Variants in BACE2 observed in about 807,000 individuals in gnomAD.
BACE2 encodes the protein beta-secretase 2.
In BACE2, 17 loss-of-function variants were observed where a neutral mutation model predicts 46.2. The observed-to-expected ratio is 0.37, with a 90% confidence interval of 0.25 to 0.55. The LOEUF (loss-of-function observed/expected upper bound fraction) is 0.55. BACE2 is among the 20% of genes least tolerant of loss of function. BACE2 has a pLI of 0.82. For missense variants in BACE2, 595 were observed against 698.1 expected, an observed-to-expected ratio of 0.85 and a Z score of 1.66; for synonymous variants, 277 against 295.9, an observed-to-expected ratio of 0.94 and a Z score of 0.66.
intron 8 of BACE2, among the ~76,000 whole-genome samples, chr21:41,258,349 T>C (rs1326848080): frequency 6.6e-6 from 1 of 152,068 alleles, no homozygotes; most frequent in Non-Finnish European, 1.5e-5. Flanking sequence ...TTGTAGGAAT[T>C]TGATGGATAT....
intron 1 of BACE2, among the ~76,000 whole-genome samples, chr21:41,203,996 G>T (rs569376016): frequency 2.6e-5 from 4 of 152,274 alleles, no homozygotes; most frequent in Non-Finnish European, 5.9e-5. Flanking sequence ...ATTTCAAGGG[G>T]ATTTACTGTG....
intron 1 of BACE2, among the ~76,000 whole-genome samples, chr21:41,219,961 G>A (rs1189207418): frequency 1.3e-5 from 2 of 152,154 alleles, no homozygotes; most frequent in African/African-American, 2.4e-5. Context: ...CCAGAGTGAG[G>A]GCCCAGTCCC....
chr21:41,242,675 G>A (rs1987337721), intron 4 of BACE2, among the ~76,000 whole-genome samples: 2 of 152,176 alleles, frequency 1.3e-5, no homozygotes, highest in African/African-American at 4.8e-5. Context: ...TCAGGGAAGT[G>A]CTTGATCTTC....
At chr21:41,255,795 A>G (rs910680630) in intron 7 of BACE2, among the ~76,000 whole-genome samples, 10 of 152,286 alleles carry the variant, frequency 6.6e-5, no homozygotes, top group Admixed American at 6.5e-4. Flanking sequence ...AGTCCGCTCT[A>G]CACACCATAA....
rs1984448037 is a variant in BACE2 at position 41,168,171 on chromosome 21, C to T, written c.-93C>T. 2.8e-6 allele frequency: 2 copies of T among 720,790 alleles called. No individual in the cohort carries two copies. The highest frequency in any genetic ancestry group is 3.5e-6 in the Non-Finnish European group (2 of 578,342). 44.6% of individuals were successfully genotyped at this position (720,790 alleles called of 1,614,324 possible). ...CCCGGTGCGCGCCCATCCCTGCCCG[C>T]AGCCCCGCGCGCCGGCCGAGTCGCT... On this transcript the variant is annotated 5_prime_UTR_variant, in exon 1 of 9. Coordinates refer to ENST00000330333, the MANE Select transcript of BACE2 (RefSeq NM_012105.5).
chr21:41,195,409 A>G (rs1037232836), intron 1 of BACE2, among the ~76,000 whole-genome samples: 4 of 152,210 alleles, frequency 2.6e-5, no homozygotes, highest in Non-Finnish European at 5.9e-5. Context: ...TGGAGGACCC[A>G]TTAGGGGAAG....
intron 1 of BACE2, among the ~76,000 whole-genome samples, chr21:41,173,101 A>G (rs562793461): frequency 6.6e-6 from 1 of 152,260 alleles, no homozygotes; most frequent in African/African-American, 2.4e-5. Flanking sequence ...GCATAGACCC[A>G]CTTTCTGAAT....
chr21:41,227,284 A>G (rs1325740237), intron 2 of BACE2, among the ~76,000 whole-genome samples: 2 of 152,222 alleles, frequency 1.3e-5, no homozygotes, highest in Non-Finnish European at 2.9e-5. Flanking sequence ...TTTTAGGGTC[A>G]TGAACCTTCT....
chr21:41,176,960 ACCTTGTTGCCC>A (rs1224517624), intron 1 of BACE2: 1 of 152,270 alleles, frequency 6.6e-6, no homozygotes, highest in Non-Finnish European at 1.5e-5. Flanking sequence ...ATCAGTGGTT[ACCTTGTTGCCC>A]AAGTAACTGC....
At position 41,279,225 on chromosome 21, in the gene BACE2, C is replaced by T. The variant is rs1445610037; in HGVS notation, c.*3601C>T. 2 of 152,046 alleles carry T rather than the reference C, an allele frequency of 1.3e-5. No individual in the cohort carries two copies. The highest frequency in any genetic ancestry group is 2.4e-5 in the African/African-American group (1 of 41,386). 9.4% of individuals were successfully genotyped at this position (152,046 alleles called of 1,614,324 possible). A position where few individuals can be genotyped will look rare whatever the true frequency, so the allele number is the denominator to read the frequency against. On this transcript the variant is annotated 3_prime_UTR_variant, in exon 9 of 9. Transcript: ENST00000330333. ...AATTAAATGGCAAGCTGGAAAAATA[C>T]ATTTTGAGAGGGGTAGAAAGAATAA...
intron 1 of BACE2, among the ~76,000 whole-genome samples, chr21:41,195,124 G>A (rs57430372): frequency 0.054 from 8,241 of 152,304 alleles, 658 homozygotes; most frequent in African/African-American, 0.18. Flanking sequence ...AAGTTTTATT[G>A]GAACACAACC....
chr21:41,172,197 G>A (rs1226082791), intron 1 of BACE2, among the ~76,000 whole-genome samples: 2 of 152,238 alleles, frequency 1.3e-5, no homozygotes, highest in South Asian at 4.1e-4. Context: ...GCTCCTTCGA[G>A]TGAGAAGTGG....
At chr21:41,212,579 C>T (rs1417152393) in intron 1 of BACE2, among the ~76,000 whole-genome samples, 1 of 152,164 alleles carries the variant, frequency 6.6e-6, no homozygotes, top group East Asian at 1.9e-4. Context: ...CAGTGCACAT[C>T]TGGGGCTCAA....
At position 41,243,413 on chromosome 21, in the gene BACE2, A is replaced by G. The variant is rs1175757029; in HGVS notation, c.785A>G (p.Asp262Gly). ...ATTGAACCAAGTTTGTATAAAGGAG[A>G]CATCTGGTATACCCCTATTAAGGAA... Reference protein sequence around the residue: ...GGIEPSLYKGDIWYTPIKEEW... With the variant: ...GGIEPSLYKGGIWYTPIKEEW... The change falls in exon 5 of 9, where the codon GAC becomes GGC. Residue 262 changes from aspartate (D) to glycine (G), a missense_variant. By Grantham distance (94) the Asp-to-Gly change is moderately conservative (BLOSUM62 -1). Coordinates refer to ENST00000330333, the MANE Select transcript of BACE2 (RefSeq NM_012105.5). The G allele has an allele frequency of 6.2e-7, 1 of 1,609,664 alleles. No individual in the cohort carries two copies.
intron 1 of BACE2, among the ~76,000 whole-genome samples, chr21:41,207,967 G>A (rs1230329357): frequency 6.6e-6 from 1 of 152,226 alleles, no homozygotes; most frequent in East Asian, 1.9e-4. Context: ...TTACAATGGT[G>A]ACGTTGCCTG....
chr21:41,272,159 T>G (rs1238186392), intron 8 of BACE2, among the ~76,000 whole-genome samples: 1 of 152,172 alleles, frequency 6.6e-6, no homozygotes, highest in East Asian at 1.9e-4. Context: ...CTAGTTTGCA[T>G]TGCTTCCAAC....
chr21:41,206,940 A>G (rs952142819), intron 1 of BACE2, among the ~76,000 whole-genome samples: 1 of 152,146 alleles, frequency 6.6e-6, no homozygotes. Context: ...TTTTATGTTT[A>G]TTTAAAATTG....
chr21:41,224,891 G>A (rs1291611287), intron 1 of BACE2, among the ~76,000 whole-genome samples: 1 of 152,180 alleles, frequency 6.6e-6, no homozygotes, highest in Non-Finnish European at 1.5e-5. Flanking sequence ...ATATAACTTG[G>A]TGGACCCACA....
At chr21:41,246,132 G>C in intron 6 of BACE2, 69 bp downstream of exon 6, 1 of 1,238,694 alleles carries the variant, frequency 8.1e-7, no homozygotes, top group Non-Finnish European at 1.1e-6. Flanking sequence ...GAGCAGCACT[G>C]CGTGTTCTGA....
Sources: allele counts gnomAD v4.1 joint callset (sites outside exome capture counted in the v4.1 genomes callset), GRCh38; gene constraint gnomAD v4.1.1; transcripts MANE v1.5; gene names NCBI Gene and HGNC (gene_info 2026-07-23, HGNC 2026-07-21).